Variants in LARGE1 observed in about 807,000 individuals in gnomAD.
LARGE1 encodes the protein xylosyl- and glucuronyltransferase LARGE1.
In LARGE1, 43 loss-of-function variants were observed where a neutral mutation model predicts 87.6. That is an observed-to-expected ratio of 0.49 (90% confidence interval 0.38 to 0.63). The LOEUF is 0.63. Among genes scored for constraint, LARGE1 ranks in the 30% least tolerant of loss-of-function variants. LARGE1 has a pLI of 0.00. For synonymous variants in LARGE1, 434 were observed against 394.6 expected (o/e 1.10, Z -1.18); for missense variants, 802 against 1,000.2 (o/e 0.80, Z 2.67).
chr22:33,315,902 A>T (rs2146301224), intron 11 of LARGE1, among the ~76,000 whole-genome samples, 183 bp downstream of exon 11: 1 of 152,282 alleles, frequency 6.6e-6, no homozygotes, highest in Admixed American at 6.5e-5. Context: ...TGCTAGGATT[A>T]CAGGTGTGAG....
chr22:33,585,642 C>T (rs746164480), intron 5 of LARGE1, among the ~76,000 whole-genome samples: 1 of 152,214 alleles, frequency 6.6e-6, no homozygotes, highest in Non-Finnish European at 1.5e-5. Context: ...AACCACCACT[C>T]TTGGAACTGC....
intron 6 of LARGE1, among the ~76,000 whole-genome samples, chr22:33,505,553 G>T (rs1022574911): frequency 3.9e-5 from 6 of 152,172 alleles, no homozygotes; most frequent in African/African-American, 1.2e-4. Flanking sequence ...GATTTATTCT[G>T]CATGGTGAGG....
At chr22:33,523,621 G>A (rs2071725606) in intron 6 of LARGE1, among the ~76,000 whole-genome samples, 1 of 151,932 alleles carries the variant, frequency 6.6e-6, no homozygotes, top group South Asian at 2.1e-4. Flanking sequence ...CAGGAGCCCA[G>A]TAGAGGTTAC....
chr22:33,546,780 C>T lies in LARGE1; in HGVS notation c.787+18068G>A, dbSNP rs377365386. Among the ~76,000 whole-genome samples the T allele has an allele frequency of 2.6e-3, 390 of 152,266 alleles. 1 individual carries two copies. The highest frequency in any genetic ancestry group is 9.1e-3 in the African/African-American group (377 of 41,546). ...TGTATTTTTAGTAGAGATGGGGTTT[C>T]ACAACGGTGGCCAGGCTGGTCTCAA... On this transcript the variant is annotated intron_variant, in intron 6 of 14. Coordinates refer to ENST00000397394, the MANE Select transcript of LARGE1 (RefSeq NM_133642.5).
intron 6 of LARGE1, among the ~76,000 whole-genome samples, chr22:33,558,064 C>CTT (rs1293514983): frequency 6.6e-6 from 1 of 152,126 alleles, no homozygotes; most frequent in Non-Finnish European, 1.5e-5. Flanking sequence ...AGAATTTCAT[C>CTT]TTTTAAAATT....
At chr22:33,741,233 G>A (rs1353185277) in intron 2 of LARGE1, among the ~76,000 whole-genome samples, 2 of 152,204 alleles carry the variant, frequency 1.3e-5, no homozygotes, top group African/African-American at 4.8e-5. Context: ...TTAGATTACA[G>A]TCTTGACAAT....
At chr22:33,601,511 T>C (rs1373638518) in intron 5 of LARGE1, among the ~76,000 whole-genome samples, 1 of 152,156 alleles carries the variant, frequency 6.6e-6, no homozygotes. Context: ...GACAGACTAA[T>C]AGATCATGGA....
At chr22:33,305,491 C>T (rs1934758349) in intron 11 of LARGE1, 1 of 674,106 alleles carries the variant, frequency 1.5e-6, no homozygotes, top group Middle Eastern at 7.4e-4. Flanking sequence ...AAATCTATGG[C>T]TAAGAAACAG....
chr22:33,115,938 TACTG>T, the LARGE1 span, among the ~76,000 whole-genome samples: 4 of 151,436 alleles, frequency 2.6e-5, no homozygotes, highest in Non-Finnish European at 5.9e-5. Context: ...AAACCAAACC[TACTG>T]ACACCTCCAT....
At chr22:33,797,132 A>T (rs2086011819) in intron 1 of LARGE1, among the ~76,000 whole-genome samples, 1 of 152,154 alleles carries the variant, frequency 6.6e-6, no homozygotes, top group South Asian at 2.1e-4. Context: ...GGCAAAGAAC[A>T]TCAGGGACAG....
chr22:33,685,704 G>A (rs1174414511), intron 2 of LARGE1, among the ~76,000 whole-genome samples: 2 of 152,178 alleles, frequency 1.3e-5, no homozygotes, highest in Non-Finnish European at 2.9e-5. Flanking sequence ...TAGCATTTAG[G>A]ATTGAGGCAG....
rs1467800165 is a variant in LARGE1, at chr22:33,379,783, TC to T, written c.1131+2135del. On this transcript the variant is annotated intron_variant, in intron 9 of 14. Coordinates refer to ENST00000397394, the MANE Select transcript of LARGE1 (RefSeq NM_133642.5). ...AAGTTCTAACCCTCTGATCACTTGGTCTTTCCATCCTGAGGCTCTCTAGGGG... is the reference window on the plus strand; with the variant it reads ...AAGTTCTAACCCTCTGATCACTTGGTTTTCCATCCTGAGGCTCTCTAGGGG... Among the ~76,000 whole-genome samples, 3 of 152,292 alleles carry T rather than the reference TC, an allele frequency of 2.0e-5. No homozygotes were observed. The East Asian group carries it at 5.8e-4, about 29-fold the overall frequency.
chr22:33,566,963 G>A (rs5754611), intron 5 of LARGE1, among the ~76,000 whole-genome samples: 58,310 of 152,052 alleles, frequency 0.38, 13,089 homozygotes, highest in Non-Finnish European at 0.5. Context: ...CCCCAACTCT[G>A]TGTATGAGTC....
At chr22:33,733,020 C>T (rs1358038408) in intron 2 of LARGE1, 1 of 152,352 alleles carries the variant, frequency 6.6e-6, no homozygotes, top group Non-Finnish European at 1.5e-5. Context: ...CTATCCATGC[C>T]TCCATGGCCG....
chr22:33,337,564 C>G (rs1248717254), intron 10 of LARGE1, 82 bp downstream of exon 10: 1 of 1,543,074 alleles, frequency 6.5e-7, no homozygotes, highest in African/African-American at 1.4e-5. Context: ...ATGAGCCTGA[C>G]ATAGAGCCTG....
the LARGE1 span, among the ~76,000 whole-genome samples, chr22:33,080,724 G>A: frequency 6.6e-6 from 1 of 152,146 alleles, no homozygotes; most frequent in Admixed American, 6.5e-5. Flanking sequence ...CTTGCCCAAA[G>A]TTACATAATT....
At chr22:33,354,529 C>A (rs1397841210) in intron 9 of LARGE1, among the ~76,000 whole-genome samples, 1 of 152,148 alleles carries the variant, frequency 6.6e-6, no homozygotes, top group African/African-American at 2.4e-5. Context: ...TTTCCGTTAA[C>A]CTATCGATGA....
At chr22:33,176,820 G>T (rs1307067562) in intron 11 of LARGE1, among the ~76,000 whole-genome samples, 1 of 152,052 alleles carries the variant, frequency 6.6e-6, no homozygotes, top group Non-Finnish European at 1.5e-5. Flanking sequence ...TATACCCAAA[G>T]GATTATAAAT....
At chr22:33,474,931 G>C (rs2069007182) in intron 6 of LARGE1, among the ~76,000 whole-genome samples, 2 of 152,154 alleles carry the variant, frequency 1.3e-5, no homozygotes, top group South Asian at 4.2e-4. Flanking sequence ...GAAAAGAAGA[G>C]AGCTGAAGTG....
Sources: allele counts gnomAD v4.1 joint callset (sites outside exome capture counted in the v4.1 genomes callset), GRCh38; gene constraint gnomAD v4.1.1; transcripts MANE v1.5; gene names NCBI Gene and HGNC (gene_info 2026-07-23, HGNC 2026-07-21).